The following UBE3D variants were observed in gnomAD, a reference collection of about 807,000 sequenced individuals.
UBE3D encodes the protein ubiquitin protein ligase E3D, also known as E3 ubiquitin-protein ligase E3D.
UBE3D carries 48 observed loss-of-function variants against 49.6 expected under a neutral mutation model. The observed-to-expected ratio is 0.97, with a 90% CI of 0.77 to 1.23. The LOEUF is 1.23. Among genes scored for constraint, UBE3D ranks in the 50% most tolerant of loss-of-function variants. UBE3D has a pLI of 0.00. For synonymous variants in UBE3D, 189 were observed against 174.2 expected (o/e 1.08, Z -0.67); for missense variants, 452 against 468.4 (o/e 0.96, Z 0.32).
At chr6:82,971,520 A>T (rs1207086047) in intron 8 of UBE3D, among the ~76,000 whole-genome samples, 3 of 151,984 alleles carry the variant, frequency 2.0e-5, no homozygotes, top group Non-Finnish European at 4.4e-5. Context: ...CCCAAAGTGG[A>T]AGTCCTTTGC....
intron 9 of UBE3D, among the ~76,000 whole-genome samples, chr6:82,925,598 T>G (rs1170452129): frequency 6.6e-6 from 1 of 152,152 alleles, no homozygotes; most frequent in Non-Finnish European, 1.5e-5. Context: ...TAGAGTCACC[T>G]GTGTAAATAA....
At chr6:83,046,431 C>T (rs1180058863) in intron 3 of UBE3D, among the ~76,000 whole-genome samples, 3 of 151,988 alleles carry the variant, frequency 2.0e-5, no homozygotes, top group Admixed American at 2.0e-4. Flanking sequence ...ATATGCTGCA[C>T]CATTGGTATC....
intron 9 of UBE3D, among the ~76,000 whole-genome samples, chr6:82,926,138 G>A (rs1276206203): frequency 6.6e-6 from 1 of 152,110 alleles, no homozygotes; most frequent in African/African-American, 2.4e-5. Context: ...ACCTGACTGT[G>A]ACTTCTAAAC....
Position 82,941,700 on chromosome 6 carries a change from C to T in UBE3D, c.1149+15612G>A, listed in dbSNP as rs992488173. On this transcript the variant is annotated intron_variant, in intron 9 of 9. Transcript: ENST00000369747. ...GGAGGTAATCGGATCATGGGGGCAG[C>T]TTCCCTCATGCTGCTCTCGTGATAG... 2.0e-5 allele frequency among the ~76,000 whole-genome samples: 3 copies of T among 152,286 alleles called. No individual in the cohort carries two copies. In the South Asian group the frequency reaches 6.2e-4, roughly 32 times the overall value.
At position 83,057,978 on chromosome 6, in the gene UBE3D, G is replaced by A; in HGVS notation, c.122C>T (p.Pro41Leu). The A allele has an allele frequency of 2.5e-6, 4 of 1,614,118 alleles. No homozygotes were observed. The highest frequency in any genetic ancestry group is 2.2e-5 in the East Asian group (1 of 44,870). ...AGGGGTTTTCATCTGGAGTGAAGAT[G>A]GCATTATGGAAATATTCATGGGCAT... ...GGMPMNISIM[P>L]SSLQMKTPEG... The change falls in exon 2 of 10, where the codon CCA becomes CTA. Residue 41 changes from proline to leucine, a missense_variant. Transcript: ENST00000369747.
At chr6:83,012,724 C>T (rs1431808326) in intron 8 of UBE3D, among the ~76,000 whole-genome samples, 1 of 152,228 alleles carries the variant, frequency 6.6e-6, no homozygotes, top group East Asian at 1.9e-4. Flanking sequence ...TTCCAAATGT[C>T]TGACCATGTC....
At chr6:82,968,992 A>C (rs1777147157) in intron 8 of UBE3D, among the ~76,000 whole-genome samples, 1 of 152,168 alleles carries the variant, frequency 6.6e-6, no homozygotes, top group African/African-American at 2.4e-5. Context: ...TCAAATTATA[A>C]ATGGCAAAAC....
intron 8 of UBE3D, among the ~76,000 whole-genome samples, chr6:83,012,894 G>C (rs2127761353): frequency 1.3e-5 from 2 of 152,320 alleles, no homozygotes; most frequent in South Asian, 4.1e-4. Flanking sequence ...TGCTGTAGCT[G>C]TCCACTTTCA....
intron 3 of UBE3D, among the ~76,000 whole-genome samples, chr6:83,047,901 T>C (rs1157587789): frequency 6.6e-6 from 1 of 151,558 alleles, no homozygotes; most frequent in Non-Finnish European, 1.5e-5. Flanking sequence ...GCTAACACGG[T>C]GAAACCCCGT....
intron 8 of UBE3D, among the ~76,000 whole-genome samples, chr6:82,965,727 T>C (rs1049660953): frequency 3.9e-5 from 6 of 152,108 alleles, no homozygotes; most frequent in African/African-American, 1.4e-4. Context: ...TCTTCAGATT[T>C]TAAAGAACTT....
intron 8 of UBE3D, among the ~76,000 whole-genome samples, chr6:82,985,013 T>TTTA (rs1554197280): frequency 1.5e-5 from 2 of 135,676 alleles, no homozygotes; most frequent in Middle Eastern, 3.7e-3. Context: ...TTCTTCTTTT[T>TTTA]TTTTTTTTTT....
intron 6 of UBE3D, 45 bp downstream of exon 6, chr6:83,023,924 A>G (rs1336233766): frequency 2.3e-6 from 3 of 1,315,626 alleles, no homozygotes; most frequent in East Asian, 2.5e-5. Context: ...CTGAATGGGG[A>G]AAAAAATAAA....
intron 9 of UBE3D, among the ~76,000 whole-genome samples, chr6:82,954,215 T>A (rs1255334167): frequency 1.3e-5 from 2 of 152,210 alleles, no homozygotes; most frequent in African/African-American, 4.8e-5. Flanking sequence ...GATAAGTCCA[T>A]CCATCTTCTT....
At chr6:82,910,297 G>T (rs1226945122) in intron 9 of UBE3D, among the ~76,000 whole-genome samples, 2 of 152,136 alleles carry the variant, frequency 1.3e-5, no homozygotes, top group African/African-American at 2.4e-5. Context: ...ATGAGGTCTT[G>T]TACACAGAAG....
intron 3 of UBE3D, among the ~76,000 whole-genome samples, chr6:83,045,327 A>G (rs1253442046): frequency 6.6e-6 from 1 of 152,174 alleles, no homozygotes; most frequent in African/African-American, 2.4e-5. Flanking sequence ...CCATTTCTGC[A>G]TTAGTAATAG....
At chr6:82,896,529 A>G (rs1771329734) in intron 9 of UBE3D, among the ~76,000 whole-genome samples, 1 of 152,226 alleles carries the variant, frequency 6.6e-6, no homozygotes, top group African/African-American at 2.4e-5. Context: ...TCTAAAAATG[A>G]TGTCTCTGCT....
chr6:82,890,034 G>A (rs1181950100), downstream of UBE3D, among the ~76,000 whole-genome samples: 1 of 151,904 alleles, frequency 6.6e-6, no homozygotes, highest in African/African-American at 2.4e-5. Context: ...ACCAATGCAT[G>A]TCTGCATTCT....
chr6:82,948,251 C>T (rs1268569884), intron 9 of UBE3D, among the ~76,000 whole-genome samples: 1 of 151,820 alleles, frequency 6.6e-6, no homozygotes, highest in Non-Finnish European at 1.5e-5. Context: ...CTATGAGCAG[C>T]TATATGCCAA....
chr6:82,924,021 T>C (rs925132154), intron 9 of UBE3D, among the ~76,000 whole-genome samples: 2 of 150,648 alleles, frequency 1.3e-5, no homozygotes, highest in African/African-American at 4.9e-5. Context: ...TCCTTCAAAA[T>C]GGTGAAGCAG....
Sources: gnomAD v4.1 joint callset for allele counts (sites outside exome capture counted in the v4.1 genomes callset) on GRCh38, gnomAD v4.1.1 for gene constraint, MANE v1.5 for transcripts, NCBI Gene and HGNC (gene_info 2026-07-23, HGNC 2026-07-21) for gene names.